The following CCDC33 variants were observed in gnomAD, a reference collection of about 807,000 sequenced individuals.
CCDC33 encodes coiled-coil domain containing 33.
Under a neutral mutation model 91.9 loss-of-function variants are expected in CCDC33, and 94 were observed. The observed-to-expected ratio is 1.02, with a 90% CI of 0.87 to 1.21. The LOEUF is 1.21. Ranked by LOEUF, CCDC33 falls within the 50% of genes most tolerant of loss-of-function variation. CCDC33 has a pLI of 0.00. For synonymous variants in CCDC33, 396 were observed against 374.5 expected (o/e 1.06, Z -0.66); for missense variants, 940 against 935.5 (o/e 1.00, Z -0.06).
chr15:74,227,383 G>C (rs1047738478), intron 2 of CCDC33, among the ~76,000 whole-genome samples: 12 of 152,214 alleles, frequency 7.9e-5, no homozygotes, highest in Non-Finnish European at 1.8e-4. Context: ...CTAATGCTGG[G>C]CTTTCTGGGC....
chr15:74,317,595 G>T (rs1047060406), intron 11 of CCDC33, among the ~76,000 whole-genome samples: 1 of 152,192 alleles, frequency 6.6e-6, no homozygotes, highest in African/African-American at 2.4e-5. Context: ...AGGCCCCAAA[G>T]AACACTGTAA....
At chr15:74,224,897 C>T (rs1216205672) in intron 2 of CCDC33, among the ~76,000 whole-genome samples, 2 of 152,132 alleles carry the variant, frequency 1.3e-5, no homozygotes, top group Non-Finnish European at 1.5e-5. Flanking sequence ...GCCAGTCTCC[C>T]AAGGGAGGGG....
At chr15:74,263,244 G>A (rs2142378934) in intron 3 of CCDC33, among the ~76,000 whole-genome samples, 1 of 152,328 alleles carries the variant, frequency 6.6e-6, no homozygotes, top group African/African-American at 2.4e-5. Flanking sequence ...GCTCAGGCTG[G>A]ACACAAGGGA....
Position 74,336,099 on chromosome 15 carries a change from C to A in CCDC33, c.*46C>A, listed in dbSNP as rs922517430. 8 of 1,597,132 alleles carry A rather than the reference C, an allele frequency of 5.0e-6. No homozygotes were observed. The highest frequency in any genetic ancestry group is 6.8e-6 in the Non-Finnish European group (8 of 1,171,622). On this transcript the variant is annotated 3_prime_UTR_variant, in exon 19 of 19. Transcript: ENST00000398814. ...CCCTGTGTGCTGGGGAGTCTCATCA[C>A]CGCCCCCTAAAAATGACGTTATTAA...
chr15:74,225,594 G>A (rs946840667), intron 2 of CCDC33, among the ~76,000 whole-genome samples: 6 of 151,690 alleles, frequency 4.0e-5, no homozygotes, highest in Admixed American at 2.6e-4. Flanking sequence ...CCTGGGAAGC[G>A]CACATCCTCC....
At chr15:74,321,930 A>G (rs733434) in intron 11 of CCDC33, among the ~76,000 whole-genome samples, 66,836 of 151,880 alleles carry the variant, frequency 0.44, 15,967 homozygotes, top group South Asian at 0.66. Flanking sequence ...TTGGCAGATG[A>G]GGAGTGCCAG....
intron 10 of CCDC33, among the ~76,000 whole-genome samples, chr15:74,284,106 G>A (rs1007434689): frequency 7.9e-5 from 12 of 152,236 alleles, no homozygotes; most frequent in Non-Finnish European, 5.9e-5. Flanking sequence ...AGGAGCCTAA[G>A]TATAAAGTGC....
At chr15:74,293,191 C>T (rs1390227903) in intron 10 of CCDC33, among the ~76,000 whole-genome samples, 1 of 152,120 alleles carries the variant, frequency 6.6e-6, no homozygotes, top group Non-Finnish European at 1.5e-5. Flanking sequence ...GAGACCTCTC[C>T]CTTGATTTCA....
rs749189503 is a variant in CCDC33 at position 74,335,000 on chromosome 15, G to C, written c.2051G>C (p.Gly684Ala). Residue 684 changes from glycine to alanine, a missense_variant, in exon 18 of 19, where the codon GGA becomes GCA. Transcript: ENST00000398814. ...SQLEDSARRW[G>A]REKQDLATRL... The stretch of plus-strand genomic sequence containing the variant: ...TTAGAGGACTCAGCTCGACGCTGGG[G>C]ACGAGAGAAGCAGGATCTGGCCACA... The C allele has an allele frequency of 1.7e-5, 28 of 1,614,112 alleles. No homozygotes were observed. In the South Asian group the frequency reaches 3.1e-4, roughly 18 times the overall value.
intron 2 of CCDC33, among the ~76,000 whole-genome samples, chr15:74,249,689 C>A (rs1007277276): frequency 2.0e-5 from 3 of 152,120 alleles, no homozygotes; most frequent in Non-Finnish European, 4.4e-5. Context: ...GGGAGAGACC[C>A]GTGCACTAGG....
At chr15:74,334,925 AT>A in intron 17 of CCDC33, 49 bp from the exon 18 acceptor site, 1 of 1,432,038 alleles carries the variant, frequency 7.0e-7, no homozygotes, top group Middle Eastern at 1.8e-4. Context: ...GCCATCAGGG[AT>A]TAGCCCTGCT....
Position 74,236,573 on chromosome 15 carries a change from T to A in CCDC33, c.-147T>A. On this transcript the variant is annotated 5_prime_UTR_variant, in exon 1 of 19. In the 5' UTR this introduces an upstream ATG that the reference lacks. Transcript: ENST00000398814. ...GGTGTGTGGCACCCCTGAGACCACA[T>A]TGACCTCCATACTGTCTACTACCCA... 7 of 356,100 alleles carry A rather than the reference T, an allele frequency of 2.0e-5. No individual in the cohort carries two copies. The highest frequency in any genetic ancestry group is 8.6e-5 in the East Asian group (1 of 11,652). 22.1% of individuals were successfully genotyped at this position (356,100 alleles called of 1,614,324 possible).
intron 11 of CCDC33, chr15:74,304,006 G>A (rs1000565259): frequency 6.6e-6 from 1 of 152,306 alleles, no homozygotes; most frequent in Non-Finnish European, 1.5e-5. Context: ...TAGAAAGGAA[G>A]AAATAAGGAT....
chr15:74,295,808 C>A lies in CCDC33; in HGVS notation c.1150C>A (p.Pro384Thr), dbSNP rs1221959664. 1.2e-6 allele frequency: 2 copies of A among 1,614,092 alleles called. No individual in the cohort carries two copies. The highest frequency in any genetic ancestry group is 1.7e-6 in the Non-Finnish European group (2 of 1,180,012). ...NNSKALPTLDPKILDKKLRTI... is the reference protein window; with the variant it reads ...NNSKALPTLDTKILDKKLRTI... ...CAGCAAGGCTCTTCCTACCTTGGACCCCAAGATCCTGGATAAGAAGCTGAG... is the reference window on the plus strand; with the variant it reads ...CAGCAAGGCTCTTCCTACCTTGGACACCAAGATCCTGGATAAGAAGCTGAG... Residue 384 changes from proline (P) to threonine (T), a missense_variant, in exon 11 of 19, where the codon CCC becomes ACC. Coordinates refer to ENST00000398814, the MANE Select transcript of CCDC33 (RefSeq NM_025055.5).
chr15:74,254,460 C>G (rs573707000), intron 2 of CCDC33, among the ~76,000 whole-genome samples: 18 of 152,194 alleles, frequency 1.2e-4, no homozygotes, highest in African/African-American at 4.3e-4. Context: ...TCTCCTGAAC[C>G]CTCAACCCAA....
intron 10 of CCDC33, among the ~76,000 whole-genome samples, chr15:74,291,094 C>T (rs1284601010): frequency 6.6e-6 from 1 of 152,208 alleles, no homozygotes; most frequent in Non-Finnish European, 1.5e-5. Flanking sequence ...ATGGCCCCAC[C>T]AAGGATTAAC....
intron 2 of CCDC33, among the ~76,000 whole-genome samples, chr15:74,257,635 G>A (rs1037153242): frequency 3.9e-5 from 6 of 152,172 alleles, no homozygotes; most frequent in African/African-American, 7.2e-5. Flanking sequence ...CCCATGCTCC[G>A]AAGTCAGCAC....
intron 4 of CCDC33, among the ~76,000 whole-genome samples, chr15:74,267,254 G>C (rs1208547358): frequency 6.6e-6 from 1 of 152,236 alleles, no homozygotes. Context: ...CAGAGCAAGT[G>C]AGCGGCAGAG....
At chr15:74,222,947 AT>A (rs2074656276) in intron 2 of CCDC33, among the ~76,000 whole-genome samples, 1 of 151,792 alleles carries the variant, frequency 6.6e-6, no homozygotes, top group Non-Finnish European at 1.5e-5. Context: ...TAAATTCATT[AT>A]GCCTTTTATT....
Sources: gnomAD v4.1 joint callset for allele counts (sites outside exome capture counted in the v4.1 genomes callset) on GRCh38, gnomAD v4.1.1 for gene constraint, MANE v1.5 for transcripts, NCBI Gene and HGNC (gene_info 2026-07-23, HGNC 2026-07-21) for gene names.